ATP2C2: variants seen among roughly 807,000 people sequenced by gnomAD.
ATP2C2 encodes the protein ATPase secretory pathway Ca2+ transporting 2.
ATP2C2 carries 171 observed loss-of-function variants against 110.8 expected under a neutral mutation model. That is an observed-to-expected ratio of 1.54 (90% CI 1.36 to 1.75). The LOEUF (loss-of-function observed/expected upper bound fraction) is 1.75. ATP2C2 is among the 40% of genes most tolerant of loss of function. ATP2C2 has a pLI of 0.00. For missense variants in ATP2C2, 1,963 were observed against 1,235.0 expected (o/e 1.59, Z -8.84); for synonymous variants, 804 against 508.4 (o/e 1.58, Z -7.82).
At chr16:84,410,121 A>G (rs958324270) in intron 4 of ATP2C2, among the ~76,000 whole-genome samples, 3 of 152,128 alleles carry the variant, frequency 2.0e-5, no homozygotes, top group Admixed American at 6.5e-5. Flanking sequence ...AGGCAGGAGA[A>G]TCGCTTGAAA....
At chr16:84,426,520 A>G (rs990164577) in intron 11 of ATP2C2, among the ~76,000 whole-genome samples, 2 of 152,100 alleles carry the variant, frequency 1.3e-5, no homozygotes, top group African/African-American at 4.8e-5. Context: ...CTCTGTTTAA[A>G]TTCTACGCTT....
At chr16:84,381,785 T>C (rs1910593916) in intron 1 of ATP2C2, among the ~76,000 whole-genome samples, 4 of 152,174 alleles carry the variant, frequency 2.6e-5, no homozygotes, top group Admixed American at 2.6e-4. Flanking sequence ...TTTTGATTTT[T>C]AGAACAATGT....
intron 17 of ATP2C2, among the ~76,000 whole-genome samples, 181 bp downstream of exon 17, chr16:84,448,870 C>G (rs1910004382): frequency 1.3e-5 from 2 of 152,212 alleles, no homozygotes; most frequent in Admixed American, 1.3e-4. Flanking sequence ...AGGTCCCCAC[C>G]TCATCCCAGT....
chr16:84,446,293 A>T, intron 15 of ATP2C2, 36 bp from the exon 16 acceptor site: 1 of 1,332,748 alleles, frequency 7.5e-7, no homozygotes, highest in South Asian at 1.3e-5. Context: ...TTGGCTTCGG[A>T]TGACTCACTA....
chr16:84,428,491 G>C (rs1907982555), intron 11 of ATP2C2, among the ~76,000 whole-genome samples: 1 of 152,166 alleles, frequency 6.6e-6, no homozygotes, highest in Admixed American at 6.5e-5. Context: ...TGGATACTTT[G>C]TCACTCAGTG....
At chr16:84,414,998 G>C (rs1030289377) in intron 6 of ATP2C2, among the ~76,000 whole-genome samples, 2 of 152,098 alleles carry the variant, frequency 1.3e-5, no homozygotes, top group Non-Finnish European at 2.9e-5. Context: ...ATTCCATTTG[G>C]AGCCTGTACG....
At chr16:84,451,374 A>T (rs532673003) in intron 17 of ATP2C2, among the ~76,000 whole-genome samples, 85 of 152,270 alleles carry the variant, frequency 5.6e-4, no homozygotes, top group African/African-American at 1.0e-3. Context: ...TATCAAGCAG[A>T]CAGCAGTGGT....
chr16:84,387,112 C>T (rs972635291), intron 1 of ATP2C2, among the ~76,000 whole-genome samples: 1 of 147,604 alleles, frequency 6.8e-6, no homozygotes, highest in African/African-American at 2.5e-5. Context: ...GCATGCCGCG[C>T]TCTGAGAACC....
chr16:84,387,043 G>C (rs1172651416), intron 1 of ATP2C2, among the ~76,000 whole-genome samples: 2 of 152,238 alleles, frequency 1.3e-5, no homozygotes, highest in Middle Eastern at 3.4e-3. Flanking sequence ...TGGGCAGTGG[G>C]GTTGGGGGTG....
At chr16:84,439,601 G>A (rs1045784928) in intron 13 of ATP2C2, 77 bp downstream of exon 13, 6 of 1,308,102 alleles carry the variant, frequency 4.6e-6, no homozygotes, top group Non-Finnish European at 6.7e-6. Flanking sequence ...AGCACACAAT[G>A]TCTTCTAGAA....
intron 16 of ATP2C2, among the ~76,000 whole-genome samples, chr16:84,447,549 G>C (rs926466164): frequency 1.3e-5 from 2 of 150,696 alleles, no homozygotes. Flanking sequence ...TATTTATAGT[G>C]TGTGTAATTT....
chr16:84,370,898 A>G (rs926445871), intron 1 of ATP2C2, among the ~76,000 whole-genome samples: 11 of 152,002 alleles, frequency 7.2e-5, no homozygotes, highest in African/African-American at 2.7e-4. Flanking sequence ...TCTTACCTCC[A>G]AGGTAAATTT....
intron 7 of ATP2C2, 66 bp downstream of exon 7, chr16:84,415,657 C>G (rs541750692): frequency 8.8e-5 from 116 of 1,319,992 alleles, no homozygotes; most frequent in Non-Finnish European, 1.2e-4. Flanking sequence ...AGACACTTAG[C>G]TAATTGTAGG....
At chr16:84,441,762 A>T (rs1909278479) in intron 14 of ATP2C2, among the ~76,000 whole-genome samples, 1 of 152,146 alleles carries the variant, frequency 6.6e-6, no homozygotes. Flanking sequence ...CTCTACTAAA[A>T]AATATAAAAA....
chr16:84,458,524 A>AG (rs397792450), intron 21 of ATP2C2, among the ~76,000 whole-genome samples: 2 of 150,542 alleles, frequency 1.3e-5, no homozygotes, highest in Non-Finnish European at 3.0e-5. Flanking sequence ...ATAAAAAAAA[A>AG]GTCATAATAT....
intron 17 of ATP2C2, 77 bp downstream of exon 17, chr16:84,448,766 C>T: frequency 1.3e-6 from 2 of 1,527,694 alleles, no homozygotes; most frequent in Non-Finnish European, 1.8e-6. Flanking sequence ...AAGCAGGGTC[C>T]CTAGTCAAGG....
chr16:84,430,817 A>G (rs1388953951), intron 11 of ATP2C2, among the ~76,000 whole-genome samples: 2 of 152,072 alleles, frequency 1.3e-5, no homozygotes, highest in African/African-American at 2.4e-5. Context: ...GGCTTACACT[A>G]GCACAACTTA....
intron 15 of ATP2C2, among the ~76,000 whole-genome samples, chr16:84,445,973 T>G (rs190334481): frequency 5.9e-5 from 9 of 152,284 alleles, no homozygotes; most frequent in African/African-American, 2.2e-4. Flanking sequence ...AAGGACCCCA[T>G]GTTCTGGACG....
At position 84,425,945 on chromosome 16, in the gene ATP2C2, A is replaced by G. The variant is rs546534143; in HGVS notation, c.986+144A>G. On this transcript the variant is annotated intron_variant, in intron 11 of 26. Coordinates refer to ENST00000262429, the MANE Select transcript of ATP2C2 (RefSeq NM_014861.4). ...CCGTCACCCAAACTCCAGCCTCCCA[A>G]TAGCATGTTCTCCGACAGGTACAGA... 7.9e-5 allele frequency: 76 copies of G among 968,140 alleles called. No individual in the cohort carries two copies. The East Asian group carries it at 1.4e-3, about 18-fold the overall frequency. The allele number at this position is 968,140 out of a possible 1,614,324, so 60.0% of individuals were successfully genotyped here. A position where few individuals can be genotyped will look rare whatever the true frequency, so the allele number is the denominator to read the frequency against.
Sources: allele counts gnomAD v4.1 joint callset (sites outside exome capture counted in the v4.1 genomes callset), GRCh38; gene constraint gnomAD v4.1.1; transcripts MANE v1.5; gene names NCBI Gene and HGNC (gene_info 2026-07-23, HGNC 2026-07-21).